ADAMTS2: variants seen among roughly 807,000 people sequenced by gnomAD.
The protein encoded by ADAMTS2 is ADAM metallopeptidase with thrombospondin type 1 motif 2.
Under a neutral mutation model 123.0 loss-of-function variants are expected in ADAMTS2, and 50 were observed. That is an observed-to-expected ratio of 0.41 (90% CI 0.32 to 0.51). The LOEUF (loss-of-function observed/expected upper bound fraction) is 0.51. ADAMTS2 is among the 20% of genes least tolerant of loss of function. The probability of loss-of-function intolerance (pLI) is 0.35; values close to 1 mark genes in which losing one functional copy is unlikely to be tolerated. For synonymous variants in ADAMTS2, 678 were observed against 695.4 expected, an observed-to-expected ratio of 0.98 and a Z score of 0.39; for missense variants, 1,494 against 1,705.2, an observed-to-expected ratio of 0.88 and a Z score of 2.18.
rs574460147 is a variant in ADAMTS2 at position 179,261,444 on chromosome 5, T to A, written c.688+11467A>T. ...CGCTGGGATTTCCTAATTCATTTAG[T>A]CACTCAGTAGGTGCCCCCTGATGGC... On this transcript the variant is annotated intron_variant, in intron 3 of 21. Coordinates refer to ENST00000251582, the MANE Select transcript of ADAMTS2 (RefSeq NM_014244.5). 2.6e-5 allele frequency among the ~76,000 whole-genome samples: 4 copies of A among 152,296 alleles called. 1 individual carries two copies. In the East Asian group the frequency reaches 7.7e-4, roughly 29 times the overall value.
intron 10 of ADAMTS2, among the ~76,000 whole-genome samples, chr5:179,150,221 G>A (rs1167273953): frequency 3.3e-5 from 5 of 152,128 alleles, no homozygotes; most frequent in Non-Finnish European, 7.4e-5. Flanking sequence ...TGCGGCGGGC[G>A]GGGAGCCATG....
chr5:179,333,197 T>C (rs1303844696), intron 2 of ADAMTS2, among the ~76,000 whole-genome samples: 1 of 152,096 alleles, frequency 6.6e-6, no homozygotes, highest in Non-Finnish European at 1.5e-5. Flanking sequence ...AAGCCCCCCA[T>C]GGAATTCCCT....
At chr5:179,221,395 G>A (rs1765122171) in intron 3 of ADAMTS2, among the ~76,000 whole-genome samples, 1 of 152,150 alleles carries the variant, frequency 6.6e-6, no homozygotes, top group Non-Finnish European at 1.5e-5. Flanking sequence ...CAGGGCCCTG[G>A]CCCAGCTGAG....
chr5:179,328,449 G>A (rs895267140), intron 2 of ADAMTS2, among the ~76,000 whole-genome samples: 1 of 152,244 alleles, frequency 6.6e-6, no homozygotes, highest in Non-Finnish European at 1.5e-5. Flanking sequence ...GGGAGCAAAG[G>A]ATCTGAAGCA....
At chr5:179,207,043 G>T (rs1764715568) in intron 4 of ADAMTS2, among the ~76,000 whole-genome samples, 1 of 152,168 alleles carries the variant, frequency 6.6e-6, no homozygotes, top group East Asian at 1.9e-4. Flanking sequence ...AACAGAAAAG[G>T]GGCTTCTGTT....
At chr5:179,187,947 C>T (rs1268995118) in intron 4 of ADAMTS2, among the ~76,000 whole-genome samples, 1 of 152,118 alleles carries the variant, frequency 6.6e-6, no homozygotes, top group Non-Finnish European at 1.5e-5. Flanking sequence ...TCACTGGTGG[C>T]AGAGTTCCAC....
chr5:179,284,370 A>T (rs974557379), intron 2 of ADAMTS2, among the ~76,000 whole-genome samples: 8 of 151,880 alleles, frequency 5.3e-5, no homozygotes, highest in African/African-American at 1.7e-4. Context: ...AAAAACAATA[A>T]ATGGTCAGAT....
chr5:179,196,100 C>T (rs201161015), intron 4 of ADAMTS2, among the ~76,000 whole-genome samples: 1 of 152,254 alleles, frequency 6.6e-6, no homozygotes, highest in South Asian at 2.1e-4. Flanking sequence ...TCTCAGCACT[C>T]GTGAAAGTTG....
chr5:179,268,534 A>G (rs375234017), intron 3 of ADAMTS2, among the ~76,000 whole-genome samples: 68 of 152,320 alleles, frequency 4.5e-4, no homozygotes, highest in African/African-American at 1.6e-3. Flanking sequence ...CAGAGTCCCA[A>G]GGTCAGTCTC....
rs1581257595 is a variant in ADAMTS2 at position 179,301,431 on chromosome 5, A to G, written c.535-28367T>C. ...AAGTGAGCTCAGTATCATTATGCCC[A>G]TTTTACAGATTGGGAAACAGGCTCC... On this transcript the variant is annotated intron_variant, in intron 2 of 21. Coordinates refer to ENST00000251582, the MANE Select transcript of ADAMTS2 (RefSeq NM_014244.5). Among the ~76,000 whole-genome samples the G allele has an allele frequency of 2.6e-5, 4 of 152,334 alleles. 1 individual carries two copies. The highest frequency in any genetic ancestry group is 2.6e-4 in the Admixed American group (4 of 15,306).
intron 4 of ADAMTS2, among the ~76,000 whole-genome samples, chr5:179,206,191 C>T (rs1764688602): frequency 6.6e-6 from 1 of 152,192 alleles, no homozygotes; most frequent in Admixed American, 6.5e-5. Flanking sequence ...GGCTGGGCTC[C>T]AGAGGGCTAG....
rs1763803618 is a variant in ADAMTS2, at chr5:179,170,958, CTG to C, written c.975+10112_975+10113del. 6.6e-6 allele frequency among the ~76,000 whole-genome samples: 1 copy of C among 152,214 alleles called. No homozygotes were observed. Among genetic ancestry groups the C allele is most frequent in the Non-Finnish European group, 1.5e-5 (1 of 68,034 alleles). The stretch of plus-strand genomic sequence containing the variant: ...CCCCCAGTGCTATGCAAAGTGAAGT[CTG>C]TGCCTGGTGGACACAAACTGTTCCA... On this transcript the variant is annotated intron_variant, in intron 5 of 21. Transcript: ENST00000251582. This position sits in a 1 kb window ranked among gnomAD's most constrained non-coding sequence, Gnocchi z 4.3.
chr5:179,136,533 T>C lies in ADAMTS2; in HGVS notation c.1952-491A>G, dbSNP rs1308222789. Reference sequence around the variant, plus strand: ...TACAAAAATTAGCTGGGTGTGGTGGTGAGCGCCTGTAATCCCAGATACTTG... The same window carrying C: ...TACAAAAATTAGCTGGGTGTGGTGGCGAGCGCCTGTAATCCCAGATACTTG... On this transcript the variant is annotated intron_variant, in intron 12 of 21. Transcript: ENST00000251582. Among the ~76,000 whole-genome samples the C allele has an allele frequency of 3.3e-5, 5 of 150,592 alleles. No individual in the cohort carries two copies. The East Asian group carries it at 9.8e-4, about 30-fold the overall frequency.
chr5:179,266,632 T>C (rs1178300925), intron 3 of ADAMTS2, among the ~76,000 whole-genome samples: 1 of 152,182 alleles, frequency 6.6e-6, no homozygotes, highest in Non-Finnish European at 1.5e-5. Flanking sequence ...GCCATTAAGG[T>C]GTGGGTAACC....
chr5:179,333,895 A>G (rs1258140626), intron 2 of ADAMTS2, among the ~76,000 whole-genome samples: 1 of 152,148 alleles, frequency 6.6e-6, no homozygotes, highest in Non-Finnish European at 1.5e-5. Context: ...TGCCCCGCCT[A>G]CAGATTTCTT....
intron 2 of ADAMTS2, among the ~76,000 whole-genome samples, chr5:179,342,633 G>A (rs1757809143): frequency 6.6e-6 from 1 of 152,262 alleles, no homozygotes; most frequent in Non-Finnish European, 1.5e-5. Context: ...TGGGAGAGTG[G>A]CCACTCACTC....
chr5:179,207,279 C>T (rs989512978), intron 4 of ADAMTS2, among the ~76,000 whole-genome samples: 2 of 152,180 alleles, frequency 1.3e-5, no homozygotes, highest in Non-Finnish European at 1.5e-5. Flanking sequence ...CTGTGAAGAG[C>T]CTCACCAAGT....
chr5:179,171,976 G>A (rs1376061578), intron 5 of ADAMTS2, among the ~76,000 whole-genome samples: 11 of 152,046 alleles, frequency 7.2e-5, no homozygotes, highest in Non-Finnish European at 8.8e-5. Context: ...CCTCAGCTGC[G>A]GGTCCACTGA....
At chr5:179,214,864 C>T (rs376184904) in intron 3 of ADAMTS2, among the ~76,000 whole-genome samples, 3 of 142,640 alleles carry the variant, frequency 2.1e-5, no homozygotes, top group East Asian at 4.0e-4. Flanking sequence ...TAATCTCCGT[C>T]GAATAATTGT....
Sources: allele counts gnomAD v4.1 joint callset (sites outside exome capture counted in the v4.1 genomes callset), GRCh38; gene constraint gnomAD v4.1.1; non-coding constraint Gnocchi (gnomAD v3.1); transcripts MANE v1.5; gene names NCBI Gene and HGNC (gene_info 2026-07-23, HGNC 2026-07-21).